Variants in AGBL4 observed in about 807,000 individuals in gnomAD.
The protein encoded by AGBL4 is AGBL carboxypeptidase 4, also known as cytosolic carboxypeptidase 6.
A neutral mutation model predicts 66.4 loss-of-function variants in AGBL4; 58 were observed. The observed-to-expected ratio is 0.87, with a 90% confidence interval of 0.71 to 1.09. The LOEUF (loss-of-function observed/expected upper bound fraction) is 1.09, where lower values mean the gene tolerates loss of function less well. AGBL4 is among the 50% of genes least tolerant of loss of function. AGBL4 has a pLI of 0.00. For missense variants in AGBL4, 579 were observed against 631.0 expected (o/e 0.92, Z 0.88); for synonymous variants, 234 against 222.9 (o/e 1.05, Z -0.44).
At chr1:49,512,009 G>A (rs1463222856) in intron 3 of AGBL4, among the ~76,000 whole-genome samples, 3 of 151,946 alleles carry the variant, frequency 2.0e-5, no homozygotes, top group Non-Finnish European at 4.4e-5. Flanking sequence ...ATGAGATATA[G>A]GATATGTAAA....
At chr1:49,652,888 C>T (rs1646037536) in intron 3 of AGBL4, among the ~76,000 whole-genome samples, 1 of 152,126 alleles carries the variant, frequency 6.6e-6, no homozygotes, top group Non-Finnish European at 1.5e-5. Flanking sequence ...TTAGTCTTTT[C>T]TAACTGCTGG....
At chr1:48,646,119 G>A (rs533263251) in intron 8 of AGBL4, among the ~76,000 whole-genome samples, 43 of 152,290 alleles carry the variant, frequency 2.8e-4, no homozygotes, top group Admixed American at 2.8e-3. Context: ...GGTGGCATCA[G>A]CACAGCATGA....
intron 1 of AGBL4, among the ~76,000 whole-genome samples, chr1:49,999,374 G>A (rs1400921779): frequency 1.3e-5 from 2 of 149,058 alleles, no homozygotes; most frequent in Admixed American, 6.7e-5. Flanking sequence ...ACCTAACCAA[G>A]GAGGTGGAGG....
chr1:49,479,959 G>A (rs965671450), intron 3 of AGBL4, among the ~76,000 whole-genome samples: 9 of 151,660 alleles, frequency 5.9e-5, no homozygotes, highest in African/African-American at 1.5e-4. Flanking sequence ...CACCCGCCTC[G>A]ACCTCCCAAA....
intron 4 of AGBL4, among the ~76,000 whole-genome samples, chr1:49,126,318 A>C (rs1645763251): frequency 6.6e-6 from 1 of 152,148 alleles, no homozygotes; most frequent in African/African-American, 2.4e-5. Flanking sequence ...AAAATTGCCA[A>C]GTGCTTCAGA....
At chr1:48,827,676 G>A (rs1341307510) in intron 6 of AGBL4, among the ~76,000 whole-genome samples, 1 of 152,148 alleles carries the variant, frequency 6.6e-6, no homozygotes. Context: ...CCTTGTTTAG[G>A]AAGCCCTTTT....
intron 1 of AGBL4, among the ~76,000 whole-genome samples, chr1:49,881,167 G>A (rs1239442810): frequency 2.0e-5 from 3 of 152,080 alleles, no homozygotes; most frequent in Non-Finnish European, 4.4e-5. Context: ...TTCCTATTTG[G>A]CCATCTTGAT....
intron 2 of AGBL4, among the ~76,000 whole-genome samples, chr1:49,790,894 T>C (rs1209793185): frequency 6.6e-6 from 1 of 152,220 alleles, no homozygotes; most frequent in East Asian, 1.9e-4. Flanking sequence ...TAATGTGTAA[T>C]TGTCTTAATA....
intron 3 of AGBL4, among the ~76,000 whole-genome samples, chr1:49,406,507 G>A (rs998540494): frequency 6.6e-6 from 1 of 151,618 alleles, no homozygotes; most frequent in Non-Finnish European, 1.5e-5. Flanking sequence ...CCAAGCAAAG[G>A]GTACATAAAA....
intron 3 of AGBL4, among the ~76,000 whole-genome samples, chr1:49,324,824 A>C (rs1438062597): frequency 1.3e-5 from 2 of 152,182 alleles, no homozygotes; most frequent in Non-Finnish European, 2.9e-5. Context: ...CTTAGTATCT[A>C]TATATATATC....
chr1:49,828,809 G>A (rs1480218307), intron 2 of AGBL4, among the ~76,000 whole-genome samples: 1 of 152,142 alleles, frequency 6.6e-6, no homozygotes, highest in Non-Finnish European at 1.5e-5. Flanking sequence ...GGTGGCTCAC[G>A]CCTGTAATTC....
At chr1:49,091,534 A>C (rs1447462319) in intron 4 of AGBL4, among the ~76,000 whole-genome samples, 1 of 152,170 alleles carries the variant, frequency 6.6e-6, no homozygotes, top group Non-Finnish European at 1.5e-5. Context: ...AAAAATAACA[A>C]ATTTGGCAAG....
intron 6 of AGBL4, among the ~76,000 whole-genome samples, chr1:48,790,228 G>A (rs183566573): frequency 3.8e-4 from 58 of 152,168 alleles, no homozygotes; most frequent in African/African-American, 7.0e-4. Flanking sequence ...TTAACTTTAC[G>A]AGCAAAGCCT....
rs538092895 is a variant in AGBL4, at chr1:49,035,169, T to C, written c.594+10415A>G. 1.1e-4 allele frequency among the ~76,000 whole-genome samples: 16 copies of C among 152,268 alleles called. No homozygotes were observed. In the East Asian group the frequency reaches 2.9e-3, roughly 28 times the overall value. On this transcript the variant is annotated intron_variant, in intron 5 of 13. Coordinates refer to ENST00000371839, the MANE Select transcript of AGBL4 (RefSeq NM_032785.4). ...CTAGTAATGAACCAATGTTAATTTC[T>C]TACTTTGGACACATCCTCCATGATT...
chr1:49,355,840 A>G lies in AGBL4; in HGVS notation c.283-109976T>C, dbSNP rs894652207. Among the ~76,000 whole-genome samples the G allele has an allele frequency of 3.3e-5, 5 of 152,288 alleles. No homozygotes were observed. The South Asian group carries it at 1.0e-3, about 32-fold the overall frequency. On this transcript the variant is annotated intron_variant, in intron 3 of 13. Coordinates refer to ENST00000371839, the MANE Select transcript of AGBL4 (RefSeq NM_032785.4). ...TTCATGTCACTTCCTCATAAAGCAA[A>G]GAGCAATGAGTATGTAGCATGTCAT...
At chr1:49,789,178 C>G (rs1472221732) in intron 2 of AGBL4, among the ~76,000 whole-genome samples, 5 of 152,086 alleles carry the variant, frequency 3.3e-5, no homozygotes, top group Non-Finnish European at 7.4e-5. Context: ...GCCTTGCATC[C>G]CAGGGATGAA....
intron 6 of AGBL4, among the ~76,000 whole-genome samples, chr1:48,754,204 A>T (rs1043259635): frequency 4.6e-5 from 7 of 152,170 alleles, no homozygotes; most frequent in African/African-American, 7.2e-5. Context: ...CTGAGGAGAA[A>T]CCAAGAGAGA....
At position 49,643,079 on chromosome 1, in the gene AGBL4, A is replaced by G. The variant is rs12070722; in HGVS notation, c.282+54234T>C. On this transcript the variant is annotated intron_variant, in intron 3 of 13. Transcript: ENST00000371839. ...CCTCATATGCGCAAGAAGCTAAAAA[A>G]AGGTTGTACATGGTAATAGACTACA... Among the ~76,000 whole-genome samples the G allele has an allele frequency of 8.0e-3, 1,215 of 152,144 alleles. 21 individuals are homozygous for G. The highest frequency in any genetic ancestry group is 0.028 in the African/African-American group (1,151 of 41,566).
intron 8 of AGBL4, chr1:48,647,557 A>G (rs1377418470): frequency 4.6e-6 from 2 of 439,420 alleles, no homozygotes; most frequent in Admixed American, 2.6e-5. Context: ...TCAAAGGTCT[A>G]TGACTGTTTA....
Sources: gnomAD v4.1 joint callset for allele counts (sites outside exome capture counted in the v4.1 genomes callset) on GRCh38, gnomAD v4.1.1 for gene constraint, MANE v1.5 for transcripts, NCBI Gene and HGNC (gene_info 2026-07-23, HGNC 2026-07-21) for gene names.